Variants in ZSCAN21 observed in about 807,000 individuals in gnomAD.
The protein encoded by ZSCAN21 is zinc finger and SCAN domain-containing protein 21.
ZSCAN21 carries 26 observed loss-of-function variants against 35.6 expected under a neutral mutation model. That is an observed-to-expected ratio of 0.73 (90% CI 0.54 to 1.01). The LOEUF (loss-of-function observed/expected upper bound fraction) is 1.01, where lower values mean the gene tolerates loss of function less well. ZSCAN21 is among the 50% of genes least tolerant of loss of function. The probability of loss-of-function intolerance (pLI) is 0.00; values close to 1 mark genes in which losing one functional copy is unlikely to be tolerated. For missense variants in ZSCAN21, 593 were observed against 587.1 expected (o/e 1.01, Z -0.10); for synonymous variants, 219 against 219.3 (o/e 1.00, Z 0.01).
intron 1 of ZSCAN21, among the ~76,000 whole-genome samples, chr7:100,055,507 C>T (rs140103614): frequency 0.014 from 2,157 of 152,266 alleles, 53 homozygotes; most frequent in African/African-American, 0.05. Context: ...CTGCCTCGGA[C>T]TCCCAGAGTG....
intron 1 of ZSCAN21, among the ~76,000 whole-genome samples, chr7:100,055,266 T>C (rs1239757335): frequency 6.6e-6 from 1 of 150,656 alleles, no homozygotes; most frequent in African/African-American, 2.4e-5. Context: ...CTTCAGTTTG[T>C]TTTGTTTTTA....
intron 1 of ZSCAN21, among the ~76,000 whole-genome samples, chr7:100,056,193 C>T (rs1312545468): frequency 7.0e-6 from 1 of 142,564 alleles, no homozygotes; most frequent in Non-Finnish European, 1.5e-5. Context: ...CCCACCTCAG[C>T]ACCTCCCAAA....
At chr7:100,054,003 C>T (rs748508658) in intron 1 of ZSCAN21, among the ~76,000 whole-genome samples, 2 of 151,982 alleles carry the variant, frequency 1.3e-5, no homozygotes, top group Non-Finnish European at 2.9e-5. Context: ...CCACCACGCC[C>T]GGCCAGTCGT....
At chr7:100,051,214 G>A (rs1380220598) in intron 1 of ZSCAN21, among the ~76,000 whole-genome samples, 1 of 95,490 alleles carries the variant, frequency 1.0e-5, no homozygotes, top group Non-Finnish European at 2.2e-5. Context: ...GGAAGAACTT[G>A]TAACAATTAG....
Position 100,057,140 on chromosome 7 carries a change from G to A in ZSCAN21, c.134G>A (p.Arg45His), listed in dbSNP as rs200464385. ...GKYLPSLEMFRQRFRQFGYHD... is the reference protein window; with the variant it reads ...GKYLPSLEMFHQRFRQFGYHD... ...TACCTTCCTAGCCTGGAGATGTTCC[G>A]CCAGCGCTTCAGGCAGTTTGGGTAC... The change falls in exon 2 of 4, where the codon CGC becomes CAC. Residue 45 changes from arginine to histidine, a missense_variant. Transcript: ENST00000292450. 6.8e-6 allele frequency: 11 copies of A among 1,613,936 alleles called. No individual in the cohort carries two copies. The highest frequency in any genetic ancestry group is 2.7e-5 in the African/African-American group (2 of 74,894).
intron 3 of ZSCAN21, among the ~76,000 whole-genome samples, chr7:100,059,723 T>A (rs1792213226): frequency 6.6e-6 from 1 of 150,840 alleles, no homozygotes; most frequent in Non-Finnish European, 1.5e-5. Flanking sequence ...CAGCTCTTTT[T>A]AAAAAAACAG....
At chr7:100,055,947 C>CTT (rs72484489) in intron 1 of ZSCAN21, among the ~76,000 whole-genome samples, 1 of 105,342 alleles carries the variant, frequency 9.5e-6, no homozygotes, top group Non-Finnish European at 2.0e-5. Context: ...CGGCCCTCCT[C>CTT]TTTTTTTTTT....
At chr7:100,058,131 AT>A (rs1291407254) in intron 3 of ZSCAN21, among the ~76,000 whole-genome samples, 3 of 152,052 alleles carry the variant, frequency 2.0e-5, no homozygotes, top group African/African-American at 7.2e-5. Flanking sequence ...ATTACAAATA[AT>A]TTTTTTTAAA....
chr7:100,056,812 T>G, intron 1 of ZSCAN21, 99 bp from the exon 2 acceptor site: 1 of 567,772 alleles, frequency 1.8e-6, no homozygotes, highest in Non-Finnish European at 3.1e-6. Context: ...AGTTTTATGG[T>G]GGACATAATT....
intron 1 of ZSCAN21, among the ~76,000 whole-genome samples, chr7:100,052,640 G>A (rs972949899): frequency 5.3e-5 from 8 of 152,100 alleles, no homozygotes; most frequent in African/African-American, 1.2e-4. Context: ...GTAGTTGGTC[G>A]TATGAGTCTG....
intron 1 of ZSCAN21, among the ~76,000 whole-genome samples, chr7:100,052,246 G>T (rs961626602): frequency 5.9e-5 from 9 of 151,976 alleles, no homozygotes; most frequent in Non-Finnish European, 1.0e-4. Context: ...AACAAAGCGA[G>T]ACCCTGCCTC....
chr7:100,053,574 A>T (rs958714187), intron 1 of ZSCAN21, among the ~76,000 whole-genome samples: 1 of 108,172 alleles, frequency 9.2e-6, no homozygotes, highest in Non-Finnish European at 2.0e-5. Context: ...TTTTTGCAAC[A>T]GAGTCTTACT....
intron 1 of ZSCAN21, among the ~76,000 whole-genome samples, chr7:100,052,841 A>G (rs2116060687): frequency 6.6e-6 from 1 of 152,206 alleles, no homozygotes; most frequent in African/African-American, 2.4e-5. Context: ...CGCAAAACTG[A>G]TGTACCACCG....
chr7:100,057,560 C>G, intron 2 of ZSCAN21, 138 bp from the exon 3 acceptor site: 1 of 1,366,188 alleles, frequency 7.3e-7, no homozygotes, highest in Non-Finnish European at 9.9e-7. Context: ...CCTAAACTAA[C>G]TTTTAGCCTT....
chr7:100,055,934 G>A (rs1320968356), intron 1 of ZSCAN21, among the ~76,000 whole-genome samples: 2 of 142,932 alleles, frequency 1.4e-5, no homozygotes, highest in South Asian at 2.2e-4. Context: ...GAGCCACCGC[G>A]CCCGGCCCTC....
chr7:100,060,923 C>T (rs547347547), intron 3 of ZSCAN21, among the ~76,000 whole-genome samples: 1 of 149,910 alleles, frequency 6.7e-6, no homozygotes, highest in Admixed American at 6.7e-5. Context: ...TATTGGTACA[C>T]GCCTGTAGTC....
chr7:100,057,871 A>G lies in ZSCAN21; in HGVS notation c.573A>G (p.Gln191=). ...QESGEEQEFA[Q]DPRKVRDCRL... is the part of the protein sequence containing the mutation. ...CTGGTGAGGAGCAGGAGTTCGCTCA[A>G]GATCCAAGAAAGGTCCGAGGTGAGG... Residue 191 remains glutamine (Q), a synonymous_variant, in exon 3 of 4, where the codon CAA becomes CAG. Transcript: ENST00000292450. 4 of 1,610,072 alleles carry G rather than the reference A, an allele frequency of 2.5e-6. No individual in the cohort carries two copies. The highest frequency in any genetic ancestry group is 3.4e-6 in the Non-Finnish European group (4 of 1,177,978).
intron 3 of ZSCAN21, among the ~76,000 whole-genome samples, chr7:100,060,753 G>A (rs564066389): frequency 1.2e-3 from 172 of 146,070 alleles, no homozygotes; most frequent in Non-Finnish European, 7.7e-4. Context: ...CCAGCTACTC[G>A]GGAGGCTGAG....
Position 100,064,086 on chromosome 7 carries a change from AAC to A in ZSCAN21, c.898_899del (p.Thr300TrpfsTer34). The A allele has an allele frequency of 6.2e-7, 1 of 1,614,196 alleles. No homozygotes were observed. Among genetic ancestry groups the A allele is most frequent in the Non-Finnish European group, 8.5e-7 (1 of 1,180,044 alleles). ...GCTCAAATCTCACCAAACACAGGAG[AAC>A]ACACACTGGGGAGAAACCTTACGTG... is the stretch of plus-strand genomic sequence containing the variant. ...NSSNLTKHRRTHTGEKPYVCT... is the reference protein window; with the variant it reads ...NSSNLTKHRRXHTGEKPYVCT... On this transcript the variant is annotated frameshift_variant, in exon 4 of 4. Transcript: ENST00000292450. LOFTEE classifies it high-confidence loss of function.
Sources: allele counts gnomAD v4.1 joint callset (sites outside exome capture counted in the v4.1 genomes callset), GRCh38; gene constraint gnomAD v4.1.1; transcripts MANE v1.5; gene names NCBI Gene and HGNC (gene_info 2026-07-23, HGNC 2026-07-21).